PCSK9: variants seen among roughly 807,000 people sequenced by gnomAD.
The protein encoded by PCSK9 is proprotein convertase subtilisin/kexin type 9.
A neutral mutation model predicts 62.1 loss-of-function variants in PCSK9; 57 were observed. That is an observed-to-expected ratio of 0.92 (90% CI 0.74 to 1.14). The LOEUF (loss-of-function observed/expected upper bound fraction) is 1.14, where lower values mean the gene tolerates loss of function less well. Among genes scored for constraint, PCSK9 ranks in the 50% most tolerant of loss-of-function variants. The pLI is 0.00. For missense variants in PCSK9, 870 were observed against 959.8 expected (o/e 0.91, Z 1.24); for synonymous variants, 387 against 409.4 (o/e 0.95, Z 0.66).
At chr1:55,052,239 G>C in intron 3 of PCSK9, 39 bp from the exon 4 acceptor site, 1 of 1,613,446 alleles carries the variant, frequency 6.2e-7, no homozygotes, top group Non-Finnish European at 8.5e-7. Flanking sequence ...TTGACTTTAT[G>C]CTCATTCCCT....
intron 7 of PCSK9, 35 bp from the exon 8 acceptor site, chr1:55,058,001 C>A: frequency 6.2e-7 from 1 of 1,613,130 alleles, no homozygotes; most frequent in Non-Finnish European, 8.5e-7. Flanking sequence ...GAGGGCCGGG[C>A]CATCACCATC....
chr1:55,050,834 C>T (rs540409272), intron 3 of PCSK9: 8 of 307,090 alleles, frequency 2.6e-5, no homozygotes, highest in South Asian at 7.5e-5. Flanking sequence ...GCCTGTGAGC[C>T]AGACCTTATT....
At chr1:55,054,240 C>T (rs557940883) in intron 5 of PCSK9, among the ~76,000 whole-genome samples, 2 of 152,204 alleles carry the variant, frequency 1.3e-5, no homozygotes, top group African/African-American at 4.8e-5. Flanking sequence ...AAAAATTAGC[C>T]AGGCATGGTG....
At chr1:55,054,828 G>C (rs544676042) in intron 5 of PCSK9, among the ~76,000 whole-genome samples, 78 of 152,174 alleles carry the variant, frequency 5.1e-4, no homozygotes, top group African/African-American at 1.8e-3. Context: ...ACACGGTGAA[G>C]CCCCGTCTCT....
intron 2 of PCSK9, 88 bp from the exon 3 acceptor site, chr1:55,046,435 G>T (rs556132902): frequency 1.3e-6 from 2 of 1,599,094 alleles, no homozygotes; most frequent in Non-Finnish European, 1.7e-6. Flanking sequence ...GTGGGGACAG[G>T]TTTGATCAGG....
At chr1:55,053,265 T>C (rs986888565) in intron 5 of PCSK9, among the ~76,000 whole-genome samples, 2 of 152,044 alleles carry the variant, frequency 1.3e-5, no homozygotes, top group African/African-American at 4.8e-5. Flanking sequence ...AGAGGACTTT[T>C]TCTAGACTGT....
rs1553137693 is a variant in PCSK9 at position 55,058,546 on chromosome 1, A to T, written c.1402A>T (p.Thr468Ser). 1 of 1,611,994 alleles carries T rather than the reference A, an allele frequency of 6.2e-7. No homozygotes were observed. Among genetic ancestry groups the T allele is most frequent in the South Asian group, 1.1e-5 (1 of 91,002 alleles). ...TGTATGGTCAGCACACTCGGGGCCT[A>T]CACGGATGGCCACAGCCGTCGCCCG... ...RTVWSAHSGP[T>S]RMATAVARCA... The change falls in exon 9 of 12, where the codon ACA becomes TCA. Residue 468 changes from threonine to serine, a missense_variant. Thr to Ser is a moderately conservative substitution (Grantham distance 58). Transcript: ENST00000302118.
At chr1:55,051,955 T>C (rs1644676910) in intron 3 of PCSK9, 1 of 403,476 alleles carries the variant, frequency 2.5e-6, no homozygotes, top group Non-Finnish European at 4.7e-6. Context: ...TACACTTTGA[T>C]ACTATTTTTT....
chr1:55,056,078 C>T lies in PCSK9; in HGVS notation c.885C>T (p.Arg295=), dbSNP rs554884005. 18 of 1,596,482 alleles carry T rather than the reference C, an allele frequency of 1.1e-5. No individual in the cohort carries two copies. Among genetic ancestry groups the T allele is most frequent in the Admixed American group, 1.0e-4 (6 of 59,360 alleles). ...TGCCCCTGGCGGGTGGGTACAGCCG[C>T]GTCCTCAACGCCGCCTGCCAGCGCC... ...VLLPLAGGYS[R]VLNAACQRLA... The change falls in exon 6 of 12, where the codon CGC becomes CGT. Residue 295 remains arginine (R), a synonymous_variant. Transcript: ENST00000302118.
chr1:55,057,224 A>C (rs1644721953), intron 6 of PCSK9, 107 bp from the exon 7 acceptor site: 2 of 1,391,360 alleles, frequency 1.4e-6, no homozygotes, highest in African/African-American at 1.4e-5. Context: ...AGTGGGACCC[A>C]AACAGGTGTA....
Position 55,058,566 on chromosome 1 carries a change from C to G in PCSK9, c.1422C>G (p.Val474=), listed in dbSNP as rs373517174. Residue 474 remains valine (V), a synonymous_variant, in exon 9 of 12, where the codon GTC becomes GTG. Coordinates refer to ENST00000302118, the MANE Select transcript of PCSK9 (RefSeq NM_174936.4). ...GGCCTACACGGATGGCCACAGCCGT[C>G]GCCCGCTGCGCCCCAGATGAGGAGC... ...HSGPTRMATA[V]ARCAPDEELL... 3 of 1,612,098 alleles carry G rather than the reference C, an allele frequency of 1.9e-6. No homozygotes were observed. The highest frequency in any genetic ancestry group is 1.1e-5 in the South Asian group (1 of 90,998).
rs1256244941 is a variant in PCSK9, at chr1:55,039,944, G to A, written c.107G>A (p.Gly36Asp). ...GCCCGTGCGCAGGAGGACGAGGACG[G>A]CGACTACGAGGAGCTGGTGCTAGCC... is the stretch of plus-strand genomic sequence containing the variant. The part of the protein sequence containing the change: ...AGARAQEDED[G>D]DYEELVLALR... Residue 36 changes from glycine to aspartate, a missense_variant, in exon 1 of 12, where the codon GGC becomes GAC. Transcript: ENST00000302118. 15 of 1,574,110 alleles carry A rather than the reference G, an allele frequency of 9.5e-6. No homozygotes were observed. Among genetic ancestry groups the A allele is most frequent in the Non-Finnish European group, 1.2e-5 (14 of 1,160,958 alleles).
intron 5 of PCSK9, among the ~76,000 whole-genome samples, chr1:55,054,823 G>A (rs1644700371): frequency 6.6e-6 from 1 of 152,148 alleles, no homozygotes; most frequent in Non-Finnish European, 1.5e-5. Flanking sequence ...TGCTAACACG[G>A]TGAAGCCCCG....
In PCSK9 at chr1:55,058,390, C is replaced by T. The variant is rs1644732282; in HGVS notation, c.1355-109C>T. 9 of 1,560,068 alleles carry T rather than the reference C, an allele frequency of 5.8e-6. No individual in the cohort carries two copies. The Admixed American group carries it at 1.2e-4, about 20-fold the overall frequency. ...TTTTCATAACGTGTTTTTATAGAGA[C>T]AGTTGAGTATGTTCTTTAAGCCCTC... On this transcript the variant is annotated intron_variant, in intron 8 of 11. Coordinates refer to ENST00000302118, the MANE Select transcript of PCSK9 (RefSeq NM_174936.4).
In PCSK9 at chr1:55,059,519, A is replaced by G. The variant is rs1057516136; in HGVS notation, c.1537A>G (p.Asn513Asp). The G allele has an allele frequency of 1.3e-6, 2 of 1,565,962 alleles. No individual in the cohort carries two copies. The highest frequency in any genetic ancestry group is 1.7e-6 in the Non-Finnish European group (2 of 1,154,174). ...QGGKLVCRAH[N>D]AFGGEGVYAI... ...GGGCAAGCTGGTCTGCCGGGCCCACAACGCTTTTGGGGGTGAGGGTGTCTA... is the reference window on the plus strand; with the variant it reads ...GGGCAAGCTGGTCTGCCGGGCCCACGACGCTTTTGGGGGTGAGGGTGTCTA... Residue 513 changes from asparagine to aspartate, a missense_variant, in exon 10 of 12, where the codon AAC becomes GAC. Transcript: ENST00000302118.
chr1:55,039,574 AG>A lies in PCSK9; in HGVS notation c.-262del, dbSNP rs2100248508. The A allele has an allele frequency of 1.8e-6, 1 of 570,864 alleles. No individual in the cohort carries two copies. Among genetic ancestry groups the A allele is most frequent in the African/African-American group, 1.9e-5 (1 of 52,732 alleles). 35.4% of individuals were successfully genotyped at this position (570,864 alleles called of 1,614,324 possible). A position where few individuals can be genotyped will look rare whatever the true frequency, so the allele number is the denominator to read the frequency against. On this transcript the variant is annotated 5_prime_UTR_variant, in exon 1 of 12. The change creates a premature stop within an existing upstream ORF in the 5' untranslated region. Transcript: ENST00000302118. ...GCGACGTCGAGGCGCTCATGGTTGC[AG>A]GCGGGCGCCGCCGTTCAGTTCAGGG...
intron 5 of PCSK9, among the ~76,000 whole-genome samples, chr1:55,053,550 G>A (rs1644691552): frequency 6.6e-6 from 1 of 152,180 alleles, no homozygotes; most frequent in African/African-American, 2.4e-5. Context: ...GCTCTGGGCA[G>A]CAGCTTGACT....
intron 3 of PCSK9, among the ~76,000 whole-genome samples, chr1:55,048,995 T>C (rs1423909551): frequency 1.3e-5 from 2 of 152,242 alleles, no homozygotes; most frequent in African/African-American, 4.8e-5. Context: ...GAAATGAATG[T>C]GGTCTCTTCC....
Position 55,048,446 on chromosome 1 carries a change from A to G in PCSK9, c.523+1800A>G, listed in dbSNP as rs1035270991. Reference sequence around the variant, plus strand: ...CTCCTCTCCCTTGGGCCAGAAGCAGACGTGGGGCCCTTTCTTCCCCATAGG... The same window carrying G: ...CTCCTCTCCCTTGGGCCAGAAGCAGGCGTGGGGCCCTTTCTTCCCCATAGG... On this transcript the variant is annotated intron_variant, in intron 3 of 11. Coordinates refer to ENST00000302118, the MANE Select transcript of PCSK9 (RefSeq NM_174936.4). Among the ~76,000 whole-genome samples the G allele has an allele frequency of 3.9e-5, 6 of 152,222 alleles. No individual in the cohort carries two copies. The East Asian group carries it at 1.2e-3, about 29-fold the overall frequency.
Sources: gnomAD v4.1 joint callset for allele counts (sites outside exome capture counted in the v4.1 genomes callset) on GRCh38, gnomAD v4.1.1 for gene constraint, MANE v1.5 for transcripts, NCBI Gene and HGNC (gene_info 2026-07-23, HGNC 2026-07-21) for gene names.